The following CTNNA2 variants were observed in gnomAD, a reference collection of about 807,000 sequenced individuals.
The protein encoded by CTNNA2 is catenin alpha 2, also known as catenin alpha-2.
In CTNNA2, 42 loss-of-function variants were observed where a neutral mutation model predicts 101.0. That is an observed-to-expected ratio of 0.42 (90% CI 0.32 to 0.54). The LOEUF (loss-of-function observed/expected upper bound fraction) is 0.54. CTNNA2 is among the 20% of genes least tolerant of loss of function. The probability of loss-of-function intolerance (pLI) is 0.14; values close to 1 mark genes in which losing one functional copy is unlikely to be tolerated. For synonymous variants in CTNNA2, 450 were observed against 456.4 expected (o/e 0.99, Z 0.18); for missense variants, 871 against 1,223.1 (o/e 0.71, Z 4.29).
At chr2:80,067,533 G>A (rs114194949) in intron 7 of CTNNA2, among the ~76,000 whole-genome samples, 22 of 152,184 alleles carry the variant, frequency 1.4e-4, no homozygotes, top group Non-Finnish European at 1.5e-4. Context: ...GTGGATTGCC[G>A]TAATGTTGTT....
chr2:80,112,422 T>C (rs1176605275), intron 7 of CTNNA2, among the ~76,000 whole-genome samples: 1 of 152,214 alleles, frequency 6.6e-6, no homozygotes, highest in African/African-American at 2.4e-5. Context: ...GATTTACTGA[T>C]TGCTGTGATG....
intron 7 of CTNNA2, among the ~76,000 whole-genome samples, chr2:80,368,863 G>GTATA (rs1302430586): frequency 1.6e-5 from 2 of 124,866 alleles, no homozygotes; most frequent in South Asian, 2.5e-4. Flanking sequence ...GTGTGTGTGT[G>GTATA]TGTGTATATA....
At chr2:80,515,259 C>T (rs1400117770) in intron 9 of CTNNA2, among the ~76,000 whole-genome samples, 1 of 151,840 alleles carries the variant, frequency 6.6e-6, no homozygotes, top group Admixed American at 6.6e-5. Context: ...GACCCACCAT[C>T]ACCAAGAGAA....
At chr2:80,477,714 T>G (rs999693354) in intron 9 of CTNNA2, among the ~76,000 whole-genome samples, 7 of 149,662 alleles carry the variant, frequency 4.7e-5, no homozygotes, top group African/African-American at 1.5e-4. Flanking sequence ...CTGAGTAGTA[T>G]TCCATGGTGT....
chr2:80,530,306 G>A (rs532207216), intron 9 of CTNNA2, among the ~76,000 whole-genome samples: 4 of 152,296 alleles, frequency 2.6e-5, no homozygotes, highest in African/African-American at 9.6e-5. Context: ...TGAGCAAGGA[G>A]CTGTTGCAAT....
intron 4 of CTNNA2, among the ~76,000 whole-genome samples, chr2:79,404,595 C>A (rs1356645759): frequency 6.6e-6 from 1 of 152,026 alleles, no homozygotes; most frequent in Non-Finnish European, 1.5e-5. Context: ...CAGGGCAACT[C>A]GGTTTGACTT....
intron 3 of CTNNA2, among the ~76,000 whole-genome samples, chr2:79,318,083 G>A (rs181172648): frequency 6.6e-6 from 1 of 152,058 alleles, no homozygotes; most frequent in East Asian, 1.9e-4. Context: ...AGGGACTTGA[G>A]ATAATTATTA....
intron 7 of CTNNA2, among the ~76,000 whole-genome samples, chr2:80,287,841 A>C (rs1674906721): frequency 6.6e-6 from 1 of 152,172 alleles, no homozygotes; most frequent in African/African-American, 2.4e-5. Flanking sequence ...ATATGTGCTT[A>C]ACTCACACCT....
At chr2:80,305,256 T>C in intron 7 of CTNNA2, 1 of 985,326 alleles carries the variant, frequency 1.0e-6, no homozygotes, top group South Asian at 4.7e-5. Flanking sequence ...GGGGAAATGC[T>C]TTCCAAACCC....
At chr2:80,114,610 G>T (rs571666505) in intron 7 of CTNNA2, among the ~76,000 whole-genome samples, 2 of 152,328 alleles carry the variant, frequency 1.3e-5, no homozygotes, top group Admixed American at 1.3e-4. Context: ...AGAGGAGCAC[G>T]CTGGCTTTCT....
intron 7 of CTNNA2, among the ~76,000 whole-genome samples, chr2:80,035,441 G>A (rs567365859): frequency 2.0e-4 from 31 of 152,300 alleles, no homozygotes; most frequent in African/African-American, 7.5e-4. Flanking sequence ...AAAAAGGACA[G>A]TTACTACTCT....
intron 7 of CTNNA2, among the ~76,000 whole-genome samples, chr2:79,940,768 G>C (rs902890674): frequency 2.0e-5 from 3 of 152,026 alleles, no homozygotes; most frequent in African/African-American, 7.2e-5. Flanking sequence ...GTAGCCTATG[G>C]GTGGGCAAAA....
At chr2:79,799,908 A>C (rs1385001290) in intron 3 of CTNNA2, among the ~76,000 whole-genome samples, 1 of 152,226 alleles carries the variant, frequency 6.6e-6, no homozygotes, top group Non-Finnish European at 1.5e-5. Context: ...GTAGATTGGC[A>C]TAATAATGAC....
At chr2:80,363,293 G>A (rs1034863714) in intron 7 of CTNNA2, among the ~76,000 whole-genome samples, 1 of 151,972 alleles carries the variant, frequency 6.6e-6, no homozygotes, top group African/African-American at 2.4e-5. Context: ...GAGGTACTTC[G>A]ATTTGACAGA....
intron 9 of CTNNA2, among the ~76,000 whole-genome samples, chr2:80,506,956 AC>A (rs1688323512): frequency 6.6e-6 from 1 of 152,190 alleles, no homozygotes; most frequent in Admixed American, 6.5e-5. Context: ...TGCAAAGATC[AC>A]ACCTATTAAT....
intron 18 of CTNNA2, among the ~76,000 whole-genome samples, chr2:80,632,818 G>A (rs561796845): frequency 4.6e-5 from 7 of 152,178 alleles, no homozygotes; most frequent in South Asian, 2.1e-4. Context: ...TATAGTCACA[G>A]ACTTCTCTAA....
At chr2:79,239,668 C>G (rs1361319956) in intron 2 of CTNNA2, among the ~76,000 whole-genome samples, 1 of 152,104 alleles carries the variant, frequency 6.6e-6, no homozygotes, top group Non-Finnish European at 1.5e-5. Flanking sequence ...TTGCCAAAAG[C>G]AATTGCAACA....
intron 1 of CTNNA2, among the ~76,000 whole-genome samples, chr2:79,513,667 G>C (rs143358075): frequency 5.6e-4 from 85 of 151,966 alleles, no homozygotes; most frequent in African/African-American, 2.0e-3. Flanking sequence ...GGGTCAAGTT[G>C]GGTAGAGTAC....
intron 7 of CTNNA2, among the ~76,000 whole-genome samples, chr2:80,177,993 C>A (rs1558877391): frequency 6.6e-6 from 1 of 152,244 alleles, no homozygotes; most frequent in South Asian, 2.1e-4. Context: ...TGTAGTGCTG[C>A]AGCTGTCCAC....
Sources: allele counts gnomAD v4.1 joint callset (sites outside exome capture counted in the v4.1 genomes callset), GRCh38; gene constraint gnomAD v4.1.1; transcripts MANE v1.5; gene names NCBI Gene and HGNC (gene_info 2026-07-23, HGNC 2026-07-21).